Variants in LPIN2 observed in about 807,000 individuals in gnomAD.
LPIN2 encodes lipin 2, also known as phosphatidate phosphatase LPIN2.
LPIN2 carries 55 observed loss-of-function variants against 111.4 expected under a neutral mutation model. The ratio of observed to expected loss-of-function variants is 0.49; its 90% confidence interval spans 0.40 to 0.62. LPIN2 has a LOEUF of 0.62. Among genes scored for constraint, LPIN2 ranks in the 20% least tolerant of loss-of-function variants. The pLI, the probability that LPIN2 is intolerant of heterozygous loss-of-function variation, is 0.00. For synonymous variants in LPIN2, 425 were observed against 414.0 expected (o/e 1.03, Z -0.32); for missense variants, 992 against 1,112.1 (o/e 0.89, Z 1.54).
chr18:2,959,890 G>A (rs578232023), intron 2 of LPIN2, among the ~76,000 whole-genome samples: 6 of 152,030 alleles, frequency 3.9e-5, no homozygotes, highest in South Asian at 2.1e-4. Context: ...GGCCAGGTGC[G>A]GTGGCTCTAC....
At position 2,940,633 on chromosome 18, in the gene LPIN2, A is replaced by AT. The variant is rs1367586777; in HGVS notation, c.669dup (p.Ser224IlefsTer2). On this transcript the variant is annotated frameshift_variant, in exon 5 of 20. Transcript: ENST00000677752. LOFTEE classifies it high-confidence loss of function. ...TCTAAAGGGGACCAATCTCCATCAG[A>AT]TAAGGGGTAATGATCCCCAGAATGG... 6.2e-7 allele frequency: 1 copy of AT among 1,612,812 alleles called. No individual in the cohort carries two copies.
At chr18:2,964,309 AT>A (rs1863409282) in intron 1 of LPIN2, among the ~76,000 whole-genome samples, 2 of 150,888 alleles carry the variant, frequency 1.3e-5, no homozygotes, top group African/African-American at 4.9e-5. Flanking sequence ...AAAAAAAGAA[AT>A]GAGGGTTAGA....
chr18:2,957,157 GA>G (rs1337252645), intron 2 of LPIN2, among the ~76,000 whole-genome samples: 9 of 152,194 alleles, frequency 5.9e-5, no homozygotes, highest in African/African-American at 2.2e-4. Context: ...TGGTATCTCT[GA>G]GAAACAGTCG....
Position 2,925,489 on chromosome 18 carries a change from C to G in LPIN2, c.1794-121G>C. 7.5e-7 allele frequency: 1 copy of G among 1,328,226 alleles called. No individual in the cohort carries two copies. Among genetic ancestry groups the G allele is most frequent in the Non-Finnish European group, 1.1e-6 (1 of 941,382 alleles). 82.3% of individuals were successfully genotyped at this position (1,328,226 alleles called of 1,614,324 possible). On this transcript the variant is annotated intron_variant, in intron 13 of 19. Transcript: ENST00000677752. The surrounding 1 kb of genome is among the most constrained non-coding windows in gnomAD (Gnocchi z 4.1). ...CTTTTCTAGGAATGGGTAGAGTTAT[C>G]CCTTCTGCCATTCTCCCATATCCAC...
At chr18:2,966,588 TA>T (rs1437487356) in intron 1 of LPIN2, among the ~76,000 whole-genome samples, 1 of 152,204 alleles carries the variant, frequency 6.6e-6, no homozygotes, top group African/African-American at 2.4e-5. Context: ...ATGCTCTAAG[TA>T]AACATGATAA....
At chr18:2,974,253 A>C (rs1205336125) in intron 1 of LPIN2, among the ~76,000 whole-genome samples, 1 of 151,542 alleles carries the variant, frequency 6.6e-6, no homozygotes, top group African/African-American at 2.4e-5. Context: ...ATTTTTTTGT[A>C]TTTTTTAGTA....
chr18:2,921,139 T>G, intron 18 of LPIN2: 1 of 572,602 alleles, frequency 1.7e-6, no homozygotes, highest in Non-Finnish European at 3.1e-6. Flanking sequence ...AGGCCACATC[T>G]TCTGCACACC....
At chr18:2,942,476 G>A (rs997721883) in intron 4 of LPIN2, among the ~76,000 whole-genome samples, 5 of 152,124 alleles carry the variant, frequency 3.3e-5, no homozygotes, top group Non-Finnish European at 5.9e-5. Flanking sequence ...ATTTCTAACC[G>A]GAATTTTTAT....
chr18:2,938,139 C>T, intron 6 of LPIN2, 102 bp from the exon 7 acceptor site: 1 of 862,338 alleles, frequency 1.2e-6, no homozygotes, highest in Non-Finnish European at 1.9e-6. Flanking sequence ...TAACTTAACA[C>T]ATTCATTAAG....
intron 1 of LPIN2, among the ~76,000 whole-genome samples, chr18:2,983,669 C>A (rs181389942): frequency 1.2e-3 from 178 of 152,216 alleles, no homozygotes; most frequent in Admixed American, 2.0e-3. Flanking sequence ...AAAATACACA[C>A]TGGATTTCCA....
intron 1 of LPIN2, among the ~76,000 whole-genome samples, chr18:3,004,527 G>GT (rs1158160564): frequency 6.6e-6 from 1 of 152,184 alleles, no homozygotes; most frequent in Non-Finnish European, 1.5e-5. Context: ...CTCTGAAACT[G>GT]TTTAACTTAA....
intron 1 of LPIN2, among the ~76,000 whole-genome samples, chr18:3,008,377 G>A (rs2078548656): frequency 6.6e-6 from 1 of 152,212 alleles, no homozygotes; most frequent in South Asian, 2.1e-4. Context: ...TAGAAGCGGA[G>A]GCTGCAGTGA....
intron 1 of LPIN2, among the ~76,000 whole-genome samples, chr18:2,965,899 T>A (rs1312372578): frequency 1.3e-5 from 2 of 152,038 alleles, no homozygotes; most frequent in Non-Finnish European, 2.9e-5. Context: ...ATAAAAAAAA[T>A]TCATAAATTA....
chr18:2,922,261 C>CA (rs140067239), intron 16 of LPIN2, 62 bp from the exon 17 acceptor site: 11,909 of 1,300,918 alleles, frequency 9.2e-3, no homozygotes, highest in Non-Finnish European at 0.01. Context: ...AAACAAAAAA[C>CA]AAAAAAAAAA....
At chr18:2,974,235 C>G (rs1233470473) in intron 1 of LPIN2, among the ~76,000 whole-genome samples, 3 of 152,114 alleles carry the variant, frequency 2.0e-5, no homozygotes, top group Non-Finnish European at 4.4e-5. Flanking sequence ...TGCCACCACG[C>G]CCAGCTAATT....
intron 2 of LPIN2, among the ~76,000 whole-genome samples, chr18:2,960,174 A>ATGTGTG (rs59457524): frequency 0.11 from 14,661 of 136,400 alleles, 872 homozygotes; most frequent in Middle Eastern, 0.17. Context: ...CGACTCAAAA[A>ATGTGTG]TGTGTGTGTG....
At chr18:2,979,446 C>T (rs530081985) in intron 1 of LPIN2, among the ~76,000 whole-genome samples, 9 of 152,150 alleles carry the variant, frequency 5.9e-5, no homozygotes, top group Middle Eastern at 3.4e-3. Context: ...CAAAAAATTC[C>T]GACATATTAG....
intron 4 of LPIN2, among the ~76,000 whole-genome samples, chr18:2,949,030 T>TCA (rs2077496666): frequency 6.6e-6 from 1 of 152,182 alleles, no homozygotes; most frequent in South Asian, 2.1e-4. Flanking sequence ...CTCCAACTCC[T>TCA]GACCTCAGGT....
intron 17 of LPIN2, 77 bp from the exon 18 acceptor site, chr18:2,921,724 G>A: frequency 1.0e-6 from 1 of 996,198 alleles, no homozygotes; most frequent in Non-Finnish European, 1.6e-6. Flanking sequence ...AAATTTTAGT[G>A]CTCACAACCA....
Sources: allele counts gnomAD v4.1 joint callset (sites outside exome capture counted in the v4.1 genomes callset), GRCh38; gene constraint gnomAD v4.1.1; non-coding constraint Gnocchi (gnomAD v3.1); transcripts MANE v1.5; gene names NCBI Gene and HGNC (gene_info 2026-07-23, HGNC 2026-07-21).